The following PARD3B variants were observed in gnomAD, a reference collection of about 807,000 sequenced individuals.
PARD3B encodes the protein par-3 family cell polarity regulator beta.
Under a neutral mutation model 130.2 loss-of-function variants are expected in PARD3B, and 103 were observed. That is an observed-to-expected ratio of 0.79 (90% CI 0.67 to 0.93). The LOEUF (loss-of-function observed/expected upper bound fraction) is 0.93, where lower values mean the gene tolerates loss of function less well. Among genes scored for constraint, PARD3B ranks in the 40% least tolerant of loss-of-function variants. PARD3B has a pLI of 0.00. For missense variants in PARD3B, 1,609 were observed against 1,499.2 expected (o/e 1.07, Z -1.21); for synonymous variants, 583 against 553.2 (o/e 1.05, Z -0.76).
chr2:204,915,074 T>C (rs778335442), intron 2 of PARD3B, among the ~76,000 whole-genome samples: 18 of 152,180 alleles, frequency 1.2e-4, no homozygotes, highest in Non-Finnish European at 2.2e-4. Context: ...TGTTCCGCTG[T>C]TAATCTGCAC....
chr2:205,169,050 G>T (rs560124536), intron 11 of PARD3B, among the ~76,000 whole-genome samples: 2 of 152,276 alleles, frequency 1.3e-5, no homozygotes, highest in East Asian at 3.9e-4. Context: ...AAACGGAAGA[G>T]GTTGGATGAG....
At chr2:205,019,187 G>A (rs1359412079) in intron 3 of PARD3B, among the ~76,000 whole-genome samples, 1 of 152,018 alleles carries the variant, frequency 6.6e-6, no homozygotes. Context: ...TTTCTGTCTT[G>A]ATAGATTTGC....
chr2:205,046,651 G>A (rs1371109527), intron 3 of PARD3B, among the ~76,000 whole-genome samples: 1 of 152,148 alleles, frequency 6.6e-6, no homozygotes, highest in Admixed American at 6.5e-5. Flanking sequence ...AATCGCTTCA[G>A]AGGTTTGGGG....
intron 1 of PARD3B, among the ~76,000 whole-genome samples, chr2:204,560,114 C>T (rs1461116216): frequency 1.3e-5 from 2 of 152,090 alleles, no homozygotes; most frequent in Non-Finnish European, 2.9e-5. Flanking sequence ...TTGCAGCAGA[C>T]CAGCATGGCA....
intron 21 of PARD3B, among the ~76,000 whole-genome samples, chr2:205,523,519 T>C (rs2051187531): frequency 6.6e-6 from 1 of 152,040 alleles, no homozygotes; most frequent in Non-Finnish European, 1.5e-5. Context: ...TTTATAAATA[T>C]TATTTAGCCT....
chr2:204,934,409 T>A (rs1370922074), intron 2 of PARD3B, among the ~76,000 whole-genome samples: 1 of 152,204 alleles, frequency 6.6e-6, no homozygotes, highest in Non-Finnish European at 1.5e-5. Context: ...ATGTTTTACC[T>A]AAATGGTGTT....
intron 2 of PARD3B, among the ~76,000 whole-genome samples, chr2:204,916,539 C>G (rs543801571): frequency 2.0e-5 from 3 of 152,194 alleles, no homozygotes; most frequent in Admixed American, 2.0e-4. Context: ...TTAAAATTTA[C>G]ATTTTTTACA....
In PARD3B at chr2:204,678,983, C is replaced by A. The variant is rs887211030; in HGVS notation, c.121-7198C>A. ...TTCCCCCTCACAAGGAGTAACCAGT[C>A]TCGTGACTTCTACATTGTGAATTAA... On this transcript the variant is annotated intron_variant, in intron 1 of 22. Coordinates refer to ENST00000406610, the MANE Select transcript of PARD3B (RefSeq NM_001302769.2). The surrounding 1 kb of genome is among the most constrained non-coding windows in gnomAD (Gnocchi z 4.2). Among the ~76,000 whole-genome samples, 1 of 152,158 alleles carries A rather than the reference C, an allele frequency of 6.6e-6. No individual in the cohort carries two copies. Among genetic ancestry groups the A allele is most frequent in the Admixed American group, 6.5e-5 (1 of 15,272 alleles).
At chr2:205,497,371 TAACTTACCATCTAGTTTGAGAAG>T (rs1227768489) in intron 20 of PARD3B, among the ~76,000 whole-genome samples, 2 of 150,754 alleles carry the variant, frequency 1.3e-5, no homozygotes, top group African/African-American at 4.9e-5. Context: ...AGTTTGCAAT[TAACTTACCATCTAGTTTGAGAAG>T]AATGCTTTTC....
At position 205,615,670 on chromosome 2, in the gene PARD3B, G is replaced by A. The variant is rs565497365; in HGVS notation, c.3475G>A (p.Val1159Ile). ...GCACAAAGGACCCTTTCGACAAGAC[G>A]TTCCGCCTTCCCCTCCCCAGCACCA... ...PQHKGPFRQD[V>I]PPSPPQHQRM... is the part of the protein sequence containing the mutation. The change falls in exon 23 of 23, where the codon GTT becomes ATT. Residue 1159 changes from valine (V) to isoleucine (I), a missense_variant. Coordinates refer to ENST00000406610, the MANE Select transcript of PARD3B (RefSeq NM_001302769.2). The A allele has an allele frequency of 5.4e-5, 87 of 1,613,678 alleles. 1 individual carries two copies. In the South Asian group the frequency reaches 6.9e-4, roughly 13 times the overall value.
chr2:204,688,597 A>AT (rs1420682613), intron 2 of PARD3B, among the ~76,000 whole-genome samples: 2 of 150,246 alleles, frequency 1.3e-5, no homozygotes, highest in Non-Finnish European at 3.0e-5. Flanking sequence ...AAAAAAAAAA[A>AT]GGTGAAAAAA....
At chr2:205,474,677 G>A (rs1272884306) in intron 20 of PARD3B, among the ~76,000 whole-genome samples, 1 of 152,040 alleles carries the variant, frequency 6.6e-6, no homozygotes, top group African/African-American at 2.4e-5. Flanking sequence ...TTCCTGGAAT[G>A]GAAATGATGA....
At chr2:205,615,415 G>C in intron 22 of PARD3B, 41 bp from the exon 23 acceptor site, 1 of 1,523,094 alleles carries the variant, frequency 6.6e-7, no homozygotes, top group Non-Finnish European at 8.9e-7. Context: ...CGGACGGCCA[G>C]CTTAGGAGCT....
chr2:204,672,600 C>G (rs914430699), intron 1 of PARD3B, among the ~76,000 whole-genome samples: 74 of 152,098 alleles, frequency 4.9e-4, no homozygotes, highest in African/African-American at 1.6e-3. Flanking sequence ...GAAAAACAAA[C>G]AGTTTCATGG....
intron 22 of PARD3B, among the ~76,000 whole-genome samples, chr2:205,610,157 G>A (rs1013053911): frequency 6.6e-6 from 1 of 152,142 alleles, no homozygotes; most frequent in Non-Finnish European, 1.5e-5. Context: ...CTGGGTATGA[G>A]TAGCTTATAT....
intron 18 of PARD3B, among the ~76,000 whole-genome samples, chr2:205,346,835 C>G (rs1021683011): frequency 6.6e-6 from 1 of 152,184 alleles, no homozygotes; most frequent in South Asian, 2.1e-4. Context: ...GATGACTTCA[C>G]AGCTCTCACC....
intron 19 of PARD3B, among the ~76,000 whole-genome samples, chr2:205,433,367 T>C (rs1164450204): frequency 3.9e-5 from 6 of 152,018 alleles, no homozygotes; most frequent in African/African-American, 1.4e-4. Context: ...ACCCCTTCTC[T>C]ACTAAAAGTA....
At chr2:204,758,588 G>A (rs2040772997) in intron 2 of PARD3B, among the ~76,000 whole-genome samples, 1 of 152,114 alleles carries the variant, frequency 6.6e-6, no homozygotes, top group Middle Eastern at 3.2e-3. Flanking sequence ...GATTGCAAAG[G>A]CCAATTAAAT....
intron 21 of PARD3B, among the ~76,000 whole-genome samples, chr2:205,522,428 C>T (rs1234386440): frequency 6.6e-6 from 1 of 151,892 alleles, no homozygotes; most frequent in African/African-American, 2.4e-5. Context: ...TAGTCAAGGA[C>T]AGCGACGTCT....
Sources: allele counts gnomAD v4.1 joint callset (sites outside exome capture counted in the v4.1 genomes callset), GRCh38; gene constraint gnomAD v4.1.1; non-coding constraint Gnocchi (gnomAD v3.1); transcripts MANE v1.5; gene names NCBI Gene and HGNC (gene_info 2026-07-23, HGNC 2026-07-21).